Variants in GRID2 observed in about 807,000 individuals in gnomAD.
The protein encoded by GRID2 is glutamate receptor ionotropic, delta-2.
GRID2 carries 33 observed loss-of-function variants against 114.8 expected under a neutral mutation model. That is an observed-to-expected ratio of 0.29 (90% CI 0.22 to 0.38). The LOEUF (loss-of-function observed/expected upper bound fraction) is 0.38, where lower values mean the gene tolerates loss of function less well. Ranked by LOEUF, GRID2 falls within the 10% of genes least tolerant of loss-of-function variation. The pLI, the probability that GRID2 is intolerant of heterozygous loss-of-function variation, is 1.00. For synonymous variants in GRID2, 505 were observed against 449.9 expected (o/e 1.12, Z -1.55); for missense variants, 1,184 against 1,257.7 (o/e 0.94, Z 0.89).
intron 1 of GRID2, among the ~76,000 whole-genome samples, chr4:92,332,461 A>G (rs1726943357): frequency 6.6e-6 from 1 of 152,202 alleles, no homozygotes; most frequent in Non-Finnish European, 1.5e-5. Context: ...TCTGGGGAAC[A>G]CATTCAAACC....
At chr4:93,398,438 C>T (rs1402326610) in intron 9 of GRID2, among the ~76,000 whole-genome samples, 1 of 151,428 alleles carries the variant, frequency 6.6e-6, no homozygotes, top group Non-Finnish European at 1.5e-5. Flanking sequence ...TGTCTCCAGT[C>T]CTACTGTGAT....
chr4:93,303,120 T>A (rs1255908737), intron 8 of GRID2, among the ~76,000 whole-genome samples: 1 of 152,038 alleles, frequency 6.6e-6, no homozygotes, highest in African/African-American at 2.4e-5. Flanking sequence ...TACACACTTT[T>A]AAACAACCAG....
At chr4:92,619,881 C>T (rs766026245) in intron 2 of GRID2, among the ~76,000 whole-genome samples, 7 of 150,978 alleles carry the variant, frequency 4.6e-5, no homozygotes, top group Non-Finnish European at 1.0e-4. Flanking sequence ...TGGCCATTTG[C>T]GAAGTTACAC....
chr4:92,896,543 A>G (rs1192435247), intron 2 of GRID2, among the ~76,000 whole-genome samples: 1 of 150,456 alleles, frequency 6.6e-6, no homozygotes, highest in Non-Finnish European at 1.5e-5. Context: ...TAAAGTTACC[A>G]TATTTTATAA....
chr4:93,791,981 G>T (rs1403654302), intron 1 of GRID2, among the ~76,000 whole-genome samples: 1 of 152,136 alleles, frequency 6.6e-6, no homozygotes, highest in Non-Finnish European at 1.5e-5. Context: ...ATTTGTAAAA[G>T]AATGTATCTG....
At chr4:93,249,927 G>A (rs1042582522) in intron 8 of GRID2, among the ~76,000 whole-genome samples, 3 of 152,126 alleles carry the variant, frequency 2.0e-5, no homozygotes, top group African/African-American at 7.2e-5. Flanking sequence ...CATTCTGGAA[G>A]ACAATGTGGT....
At chr4:93,661,764 T>C (rs970623395) in intron 14 of GRID2, among the ~76,000 whole-genome samples, 3 of 152,170 alleles carry the variant, frequency 2.0e-5, no homozygotes, top group Non-Finnish European at 4.4e-5. Context: ...TAATCAGCTG[T>C]GTAGTCGGCA....
chr4:93,125,153 T>C (rs1734153112), intron 4 of GRID2, among the ~76,000 whole-genome samples: 1 of 152,054 alleles, frequency 6.6e-6, no homozygotes, highest in African/African-American at 2.4e-5. Flanking sequence ...GCTTATTACA[T>C]TAAAATTCAC....
At chr4:93,138,342 C>T (rs955843452) in intron 4 of GRID2, among the ~76,000 whole-genome samples, 1 of 152,050 alleles carries the variant, frequency 6.6e-6, no homozygotes, top group Non-Finnish European at 1.5e-5. Context: ...TTGTAATCTA[C>T]ACACCTAAGA....
At chr4:92,568,591 G>T (rs1331089649) in intron 1 of GRID2, among the ~76,000 whole-genome samples, 1 of 151,946 alleles carries the variant, frequency 6.6e-6, no homozygotes, top group Non-Finnish European at 1.5e-5. Flanking sequence ...TTTATTTCAA[G>T]TTCAGGGGTA....
At chr4:93,540,471 A>G (rs1276613886) in intron 13 of GRID2, among the ~76,000 whole-genome samples, 1 of 152,110 alleles carries the variant, frequency 6.6e-6, no homozygotes, top group African/African-American at 2.4e-5. Flanking sequence ...AGCTCTGAAA[A>G]ACAACTAGGC....
Position 93,180,285 on chromosome 4 carries a change from G to T in GRID2, c.736-27119G>T, listed in dbSNP as rs145505884. On this transcript the variant is annotated intron_variant, in intron 4 of 15. Coordinates refer to ENST00000282020, the MANE Select transcript of GRID2 (RefSeq NM_001510.4). ...TATGTTTGCACTATACTGTAGCATAGTAAGTGCAATAGTATGATGCCAAAG... is the reference window on the plus strand; with the variant it reads ...TATGTTTGCACTATACTGTAGCATATTAAGTGCAATAGTATGATGCCAAAG... 4.1e-3 allele frequency among the ~76,000 whole-genome samples: 631 copies of T among 152,166 alleles called. 7 individuals carry two copies. Among genetic ancestry groups the T allele is most frequent in the African/African-American group, 0.015 (609 of 41,526 alleles).
chr4:92,818,586 T>A (rs971588635), intron 2 of GRID2, among the ~76,000 whole-genome samples: 1 of 152,146 alleles, frequency 6.6e-6, no homozygotes, highest in African/African-American at 2.4e-5. Flanking sequence ...CTGTTCAATT[T>A]AGTTTTAAGT....
chr4:93,154,804 A>G (rs1737032199), intron 4 of GRID2, among the ~76,000 whole-genome samples: 1 of 151,420 alleles, frequency 6.6e-6, no homozygotes, highest in Non-Finnish European at 1.5e-5. Flanking sequence ...CCAACAAAAA[A>G]CCCTTTTCCT....
At chr4:93,759,233 C>G (rs1733006316) in intron 14 of GRID2, among the ~76,000 whole-genome samples, 1 of 152,074 alleles carries the variant, frequency 6.6e-6, no homozygotes, top group South Asian at 2.1e-4. Flanking sequence ...GCAATTGCTT[C>G]TCCGCGAACA....
intron 2 of GRID2, among the ~76,000 whole-genome samples, chr4:92,915,739 CTT>C (rs1465433532): frequency 1.3e-5 from 2 of 152,170 alleles, no homozygotes; most frequent in African/African-American, 4.8e-5. Flanking sequence ...TTATTTCTGA[CTT>C]TTTAATAGTA....
intron 2 of GRID2, among the ~76,000 whole-genome samples, chr4:92,891,537 C>G (rs941392160): frequency 6.6e-5 from 10 of 152,156 alleles, no homozygotes; most frequent in African/African-American, 2.2e-4. Flanking sequence ...CACTAGTCAT[C>G]AGGTTGTCAC....
At chr4:92,989,454 A>G (rs1754731640) in intron 2 of GRID2, among the ~76,000 whole-genome samples, 1 of 151,886 alleles carries the variant, frequency 6.6e-6, no homozygotes, top group South Asian at 2.1e-4. Context: ...AGCTTTTATG[A>G]AGGAGGTGGT....
At chr4:92,812,255 C>T (rs148031752) in intron 2 of GRID2, among the ~76,000 whole-genome samples, 2 of 151,990 alleles carry the variant, frequency 1.3e-5, no homozygotes, top group African/African-American at 4.8e-5. Context: ...TCAGTTTAGA[C>T]ATTTAAAAAT....
Sources: allele counts gnomAD v4.1 joint callset (sites outside exome capture counted in the v4.1 genomes callset), GRCh38; gene constraint gnomAD v4.1.1; transcripts MANE v1.5; gene names NCBI Gene and HGNC (gene_info 2026-07-23, HGNC 2026-07-21).